Variants in DAB2IP observed in about 807,000 individuals in gnomAD.
DAB2IP encodes DAB2 interacting protein.
In DAB2IP, 28 loss-of-function variants were observed where a neutral mutation model predicts 107.2. The ratio of observed to expected loss-of-function variants is 0.26; its 90% CI spans 0.19 to 0.36. The LOEUF is 0.36. DAB2IP is among the 10% of genes least tolerant of loss of function. The probability of loss-of-function intolerance (pLI) is 1.00; values close to 1 mark genes in which losing one functional copy is unlikely to be tolerated. For synonymous variants in DAB2IP, 755 were observed against 706.4 expected, an observed-to-expected ratio of 1.07 and a Z score of -1.09; for missense variants, 1,400 against 1,644.7, an observed-to-expected ratio of 0.85 and a Z score of 2.57.
intron 1 of DAB2IP, among the ~76,000 whole-genome samples, chr9:121,593,698 C>T (rs1830464487): frequency 2.3e-5 from 3 of 127,976 alleles, no homozygotes; most frequent in Non-Finnish European, 3.2e-5. Context: ...GACGGAGTCT[C>T]ACTCTGTTGC....
At position 121,682,935 on chromosome 9, in the gene DAB2IP, A is replaced by G. The variant is rs150521191; in HGVS notation, c.228+4154A>G. 3.3e-3 allele frequency among the ~76,000 whole-genome samples: 501 copies of G among 152,022 alleles called. 3 individuals carry two copies. The highest frequency in any genetic ancestry group is 0.011 in the African/African-American group (470 of 41,458). On this transcript the variant is annotated intron_variant, in intron 2 of 15. Coordinates refer to ENST00000408936, the Ensembl canonical transcript of DAB2IP. Reference sequence around the variant, plus strand: ...CTACGAGGCTGGCATGTGCCCTGCAAGTTATAGGGGGCCCTGAATGAGGAT... The same window carrying G: ...CTACGAGGCTGGCATGTGCCCTGCAGGTTATAGGGGGCCCTGAATGAGGAT...
chr9:121,708,391 C>T (rs1830163871), intron 3 of DAB2IP, among the ~76,000 whole-genome samples: 1 of 152,232 alleles, frequency 6.6e-6, no homozygotes, highest in Non-Finnish European at 1.5e-5. Flanking sequence ...AATAAACCCT[C>T]TCCCTCCTCA....
chr9:121,783,480 C>T (rs1280099111), exon 16 of DAB2IP: 9 of 1,613,820 alleles, frequency 5.6e-6, no homozygotes, highest in Non-Finnish European at 7.6e-6. Context: ...AAAAAAGATT[C>T]TAACGCCTGC....
At chr9:121,650,422 G>T (rs1407233232), upstream of DAB2IP, among the ~76,000 whole-genome samples, 1 of 152,184 alleles carries the variant, frequency 6.6e-6, no homozygotes, top group East Asian at 1.9e-4. Context: ...CTGGATTTCT[G>T]CCCAGACGGC....
At chr9:121,737,627 C>T (rs576642720) in intron 3 of DAB2IP, 30 of 985,326 alleles carry the variant, frequency 3.0e-5, no homozygotes, top group Non-Finnish European at 3.6e-5. Flanking sequence ...ACCTGGCCAT[C>T]TTCGGAAGCC....
Position 121,772,847 on chromosome 9 carries a change from T to C in DAB2IP, c.2319T>C (p.Asp773=). Reference sequence around the variant, plus strand: ...CGGGCCCCGACGTCCTCCCCACAGATGGGCAGGCCGCTGCAGCTCAGCTGG... The same window carrying C: ...CGGGCCCCGACGTCCTCCCCACAGACGGGCAGGCCGCTGCAGCTCAGCTGG... The change falls in exon 12 of 16, where the codon GAT becomes GAC. Residue 773 remains aspartate, a synonymous_variant. Transcript: ENST00000408936. The surrounding 1 kb of genome is among the most constrained non-coding windows in gnomAD (Gnocchi z 4.7). 6.3e-7 allele frequency: 1 copy of C among 1,599,368 alleles called. No individual in the cohort carries two copies. The highest frequency in any genetic ancestry group is 8.5e-7 in the Non-Finnish European group (1 of 1,174,834).
At chr9:121,783,606 A>G in exon 16 of DAB2IP, 1 of 1,597,680 alleles carries the variant, frequency 6.3e-7, no homozygotes. Context: ...GAGCGTGCGC[A>G]CTGCATGGGA....
intron 1 of DAB2IP, among the ~76,000 whole-genome samples, chr9:121,663,863 T>G (rs1393873359): frequency 6.6e-6 from 1 of 152,242 alleles, no homozygotes; most frequent in African/African-American, 2.4e-5. Flanking sequence ...ACAGTGCCAT[T>G]CCTTTCCCAC....
intron 1 of DAB2IP, among the ~76,000 whole-genome samples, chr9:121,645,543 G>A (rs1247682089): frequency 1.3e-5 from 2 of 152,136 alleles, no homozygotes; most frequent in South Asian, 2.1e-4. Context: ...TGGGTGAGTC[G>A]CTCCCTCCCT....
At chr9:121,781,670 C>T (rs1001030499) in intron 15 of DAB2IP, 119 bp downstream of exon 15, 1 of 1,004,876 alleles carries the variant, frequency 1.0e-6, no homozygotes, top group Non-Finnish European at 1.5e-6. Context: ...AATAAGAAAC[C>T]AGAATCTGCC....
chr9:121,685,936 AG>A (rs1828856737), intron 2 of DAB2IP, among the ~76,000 whole-genome samples: 1 of 152,228 alleles, frequency 6.6e-6, no homozygotes. Context: ...AAGCGACAAG[AG>A]ATCCACGGCA....
intron 3 of DAB2IP, among the ~76,000 whole-genome samples, chr9:121,719,315 G>C (rs918819118): frequency 3.3e-5 from 5 of 152,206 alleles, no homozygotes; most frequent in African/African-American, 1.2e-4. Context: ...TGGGGAAGGA[G>C]TCGGGCCATC....
chr9:121,756,477 A>G (rs1370392825), intron 3 of DAB2IP, among the ~76,000 whole-genome samples: 1 of 152,220 alleles, frequency 6.6e-6, no homozygotes, highest in Admixed American at 6.5e-5. Flanking sequence ...CTCATCTGTA[A>G]GATGGGAGCA....
intron 1 of DAB2IP, among the ~76,000 whole-genome samples, chr9:121,620,048 T>C (rs1831409192): frequency 1.3e-5 from 2 of 152,130 alleles, no homozygotes; most frequent in Admixed American, 6.5e-5. Flanking sequence ...AGTCAAAAAT[T>C]GTCATCATCA....
intron 1 of DAB2IP, among the ~76,000 whole-genome samples, chr9:121,600,824 A>G (rs1308374448): frequency 6.6e-6 from 1 of 152,178 alleles, no homozygotes; most frequent in Non-Finnish European, 1.5e-5. Flanking sequence ...GGTCCCGTCC[A>G]AGGGGGATAT....
chr9:121,669,659 C>T lies in DAB2IP; in HGVS notation c.125-9019C>T, dbSNP rs993266063. On this transcript the variant is annotated intron_variant, in intron 1 of 15. Transcript: ENST00000408936. ...CTGGCATTGGGGGCTAAAGCTGTGACTGGTAAAGTAGCAGCAGTCACTGCT... is the reference window on the plus strand; with the variant it reads ...CTGGCATTGGGGGCTAAAGCTGTGATTGGTAAAGTAGCAGCAGTCACTGCT... Among the ~76,000 whole-genome samples, 39 of 152,144 alleles carry T rather than the reference C, an allele frequency of 2.6e-4. 1 individual carries two copies. Among genetic ancestry groups the T allele is most frequent in the Non-Finnish European group, 1.5e-5 (1 of 68,030 alleles).
At chr9:121,751,531 G>C (rs1479460160) in intron 3 of DAB2IP, 1 of 152,742 alleles carries the variant, frequency 6.5e-6, no homozygotes, top group African/African-American at 2.4e-5. Flanking sequence ...TGGCAAAGAA[G>C]TGGAGGGAGA....
intron 1 of DAB2IP, chr9:121,576,138 C>G (rs1178347427): frequency 6.6e-6 from 1 of 152,298 alleles, no homozygotes; most frequent in Non-Finnish European, 1.5e-5. Flanking sequence ...TGCCCCCCAA[C>G]TCATCCTTCG....
intron 3 of DAB2IP, among the ~76,000 whole-genome samples, chr9:121,704,485 T>C (rs1458062450): frequency 6.6e-6 from 1 of 152,252 alleles, no homozygotes; most frequent in Middle Eastern, 3.2e-3. Context: ...TGTCTATTCC[T>C]GTCCTTTGCC....
Sources: gnomAD v4.1 joint callset for allele counts (sites outside exome capture counted in the v4.1 genomes callset) on GRCh38, gnomAD v4.1.1 for gene constraint, Gnocchi (gnomAD v3.1) non-coding constraint, MANE v1.5 for transcripts, NCBI Gene and HGNC (gene_info 2026-07-23, HGNC 2026-07-21) for gene names.